LRP1B: variants seen among roughly 807,000 people sequenced by gnomAD.
LRP1B encodes LDL receptor related protein 1B.
In LRP1B, 217 loss-of-function variants were observed where a neutral mutation model predicts 556.6. The ratio of observed to expected loss-of-function variants is 0.39; its 90% CI spans 0.35 to 0.44. The LOEUF is 0.44. Among genes scored for constraint, LRP1B ranks in the 20% least tolerant of loss-of-function variants. LRP1B has a pLI of 1.00. For missense variants in LRP1B, 5,053 were observed against 5,620.8 expected (o/e 0.90, Z 3.23); for synonymous variants, 2,047 against 1,865.8 (o/e 1.10, Z -2.50).
intron 82 of LRP1B, 136 bp downstream of exon 82, chr2:140,321,827 C>T: frequency 2.6e-6 from 2 of 780,138 alleles, no homozygotes; most frequent in East Asian, 2.6e-5. Context: ...GTACAGTTTA[C>T]ACAGGCATTC....
intron 6 of LRP1B, among the ~76,000 whole-genome samples, chr2:141,198,572 T>G (rs920369400): frequency 6.6e-6 from 1 of 152,002 alleles, no homozygotes; most frequent in Non-Finnish European, 1.5e-5. Context: ...CTGTGCGGGG[T>G]CTTGGATATT....
chr2:141,584,170 G>C (rs982169072), intron 2 of LRP1B, among the ~76,000 whole-genome samples: 1 of 151,366 alleles, frequency 6.6e-6, no homozygotes, highest in South Asian at 2.1e-4. Flanking sequence ...ACTGGAGCCC[G>C]GGAGACAAAG....
intron 7 of LRP1B, among the ~76,000 whole-genome samples, chr2:141,088,872 A>T (rs183694298): frequency 7.2e-5 from 11 of 152,280 alleles, no homozygotes; most frequent in East Asian, 5.8e-4. Flanking sequence ...AGAAGATAAC[A>T]CCCAAGGGCT....
chr2:141,264,967 C>G (rs916601382), intron 3 of LRP1B, among the ~76,000 whole-genome samples: 15 of 152,158 alleles, frequency 9.9e-5, no homozygotes, highest in African/African-American at 3.4e-4. Flanking sequence ...ATCACTGGAC[C>G]TGAACCTAGA....
rs187898824 is a variant in LRP1B, at chr2:141,095,140, T to C, written c.1014-32867A>G. ...CAGCAAGAAGCACCTCACTAGACGA[T>C]GGCCCTTCAATCTTGGATTTTTCAG... On this transcript the variant is annotated intron_variant, in intron 7 of 90. Transcript: ENST00000389484. Among the ~76,000 whole-genome samples, 4 of 152,174 alleles carry C rather than the reference T, an allele frequency of 2.6e-5. No homozygotes were observed. The East Asian group carries it at 7.7e-4, about 29-fold the overall frequency.
intron 86 of LRP1B, among the ~76,000 whole-genome samples, chr2:140,265,525 G>GA (rs915464426): frequency 6.6e-6 from 1 of 151,932 alleles, no homozygotes. Context: ...TTTCTATGTG[G>GA]AAAAAACTGT....
intron 1 of LRP1B, among the ~76,000 whole-genome samples, chr2:141,987,783 TTTC>T (rs1191923429): frequency 5.9e-5 from 9 of 151,948 alleles, no homozygotes; most frequent in African/African-American, 2.2e-4. Context: ...ATGCATATTA[TTTC>T]TTATTTCACT....
chr2:140,906,658 GTTTTTCCAT>G (rs1694262746), intron 22 of LRP1B, among the ~76,000 whole-genome samples: 1 of 151,950 alleles, frequency 6.6e-6, no homozygotes, highest in Non-Finnish European at 1.5e-5. Flanking sequence ...TTGAAGTCTA[GTTTTTCCAT>G]AATTACATTC....
chr2:140,418,616 AC>A (rs1434737189), intron 66 of LRP1B, among the ~76,000 whole-genome samples: 4 of 151,742 alleles, frequency 2.6e-5, no homozygotes, highest in African/African-American at 7.3e-5. Flanking sequence ...CCAAAATGAG[AC>A]TACAGAGTAC....
chr2:141,892,718 G>A (rs932033771), intron 1 of LRP1B, among the ~76,000 whole-genome samples: 14 of 152,114 alleles, frequency 9.2e-5, no homozygotes, highest in Admixed American at 6.6e-5. Context: ...AAAGTAACTT[G>A]TAGATTACAG....
At chr2:140,809,057 A>G (rs182397230) in intron 32 of LRP1B, among the ~76,000 whole-genome samples, 24 of 151,992 alleles carry the variant, frequency 1.6e-4, no homozygotes, top group African/African-American at 5.5e-4. Flanking sequence ...CAGTAACTCA[A>G]TGTCACCAGT....
intron 2 of LRP1B, among the ~76,000 whole-genome samples, chr2:141,562,349 T>C (rs1463613105): frequency 6.6e-6 from 1 of 151,926 alleles, no homozygotes; most frequent in Non-Finnish European, 1.5e-5. Flanking sequence ...CTTTTCCATA[T>C]CCAATAGCTA....
At chr2:141,926,640 A>G (rs1238283600) in intron 1 of LRP1B, among the ~76,000 whole-genome samples, 1 of 152,168 alleles carries the variant, frequency 6.6e-6, no homozygotes, top group Non-Finnish European at 1.5e-5. Flanking sequence ...ATTGGCATCT[A>G]CTTTGAAGCA....
chr2:140,562,308 C>A (rs1445003060), intron 43 of LRP1B, among the ~76,000 whole-genome samples: 2 of 152,020 alleles, frequency 1.3e-5, no homozygotes, highest in Non-Finnish European at 2.9e-5. Context: ...AATGGTTTTG[C>A]AATAATGGAA....
At chr2:140,494,551 G>A (rs1264669582) in intron 56 of LRP1B, among the ~76,000 whole-genome samples, 6 of 146,206 alleles carry the variant, frequency 4.1e-5, no homozygotes, top group Admixed American at 1.4e-4. Flanking sequence ...AGCTTGCAGC[G>A]AGCTAAGATC....
intron 86 of LRP1B, among the ~76,000 whole-genome samples, chr2:140,257,319 CAGTT>C (rs748332348): frequency 5.3e-5 from 8 of 152,004 alleles, no homozygotes; most frequent in Non-Finnish European, 1.0e-4. Context: ...AATGGATAAA[CAGTT>C]AAGAGTTATA....
intron 2 of LRP1B, among the ~76,000 whole-genome samples, chr2:141,788,527 TAATTA>T (rs918873790): frequency 2.6e-5 from 4 of 152,070 alleles, no homozygotes; most frequent in Non-Finnish European, 5.9e-5. Context: ...TATTCATTTC[TAATTA>T]AATTTTATTT....
intron 7 of LRP1B, among the ~76,000 whole-genome samples, chr2:141,177,579 A>G (rs1443602384): frequency 6.6e-6 from 1 of 152,290 alleles, no homozygotes; most frequent in East Asian, 1.9e-4. Flanking sequence ...TAAAAGCACA[A>G]TATTAATAGT....
At chr2:141,534,349 T>C (rs1399523697) in intron 2 of LRP1B, among the ~76,000 whole-genome samples, 16 of 152,164 alleles carry the variant, frequency 1.1e-4, no homozygotes, top group African/African-American at 1.4e-4. Flanking sequence ...CCCATTTCCA[T>C]TGGAAGATTC....
Sources: gnomAD v4.1 joint callset for allele counts (sites outside exome capture counted in the v4.1 genomes callset) on GRCh38, gnomAD v4.1.1 for gene constraint, MANE v1.5 for transcripts, NCBI Gene and HGNC (gene_info 2026-07-23, HGNC 2026-07-21) for gene names.